Variants in SCN9A observed in about 807,000 individuals in gnomAD.
SCN9A encodes sodium voltage-gated channel alpha subunit 9, also known as sodium channel protein type 9 subunit alpha.
A neutral mutation model predicts 187.0 loss-of-function variants in SCN9A; 131 were observed. That is an observed-to-expected ratio of 0.70 (90% CI 0.61 to 0.81). The LOEUF is 0.81. Ranked by LOEUF, SCN9A falls within the 30% of genes least tolerant of loss-of-function variation. The pLI is 0.00. For missense variants in SCN9A, 2,252 were observed against 2,396.6 expected (o/e 0.94, Z 1.26); for synonymous variants, 809 against 808.6 (o/e 1.00, Z -0.01).
At chr2:166,366,176 TAATCCCTAGGCTAAGATA>T (rs1318905164) in intron 1 of SCN9A, among the ~76,000 whole-genome samples, 1 of 152,198 alleles carries the variant, frequency 6.6e-6, no homozygotes, top group African/African-American at 2.4e-5. Flanking sequence ...ATCTAATGAT[TAATCCCTAGGCTAAGATA>T]AATCAGTTGG....
chr2:166,222,692 G>C (rs1694641728), intron 24 of SCN9A, among the ~76,000 whole-genome samples: 1 of 144,372 alleles, frequency 6.9e-6, no homozygotes, highest in Admixed American at 6.7e-5. Context: ...CAGCACTTTG[G>C]GAGGCCGAGA....
At chr2:166,298,882 T>C (rs1481520742) in intron 7 of SCN9A, 12 of 152,228 alleles carry the variant, frequency 7.9e-5, no homozygotes, top group African/African-American at 2.9e-4. Context: ...CAAAATACAC[T>C]AAATTTCTCA....
Position 166,198,917 on chromosome 2 carries a change from T to G in SCN9A, c.5722A>C (p.Asn1908His). Residue 1908 changes from asparagine (N) to histidine (H), a missense_variant, in exon 27 of 27, where the codon AAT (asparagine) becomes CAT (histidine). Physicochemically the swap from Asn to His is moderately conservative, Grantham distance 68 (BLOSUM62 1). Around this residue, in one of 7 missense-constraint regions of SCN9A, gnomAD observed 345 missense variants for 344.6 expected, o/e 1.00. Transcript: ENST00000642356. The stretch of plus-strand genomic sequence containing the variant: ...TATATACTTGATATATTTTTGACAT[T>G]TTGCCTTAAGCGGTAACGTCTATAA... Reference protein sequence around the residue: ...RAYRRYRLRQNVKNISSIYIK... With the variant: ...RAYRRYRLRQHVKNISSIYIK... The G allele has an allele frequency of 6.2e-7, 1 of 1,613,942 alleles. No individual in the cohort carries two copies.
intron 14 of SCN9A, 23 bp downstream of exon 14, chr2:166,280,334 A>G: frequency 7.7e-7 from 1 of 1,298,206 alleles, no homozygotes; most frequent in South Asian, 1.3e-5. Context: ...CTATGAGTAC[A>G]TAACACACAA....
At chr2:166,367,554 C>T (rs536155895) in intron 1 of SCN9A, among the ~76,000 whole-genome samples, 61 of 152,152 alleles carry the variant, frequency 4.0e-4, no homozygotes, top group Non-Finnish European at 6.8e-4. Flanking sequence ...CGTAAGCCAC[C>T]GCGCCTGGCC....
intron 10 of SCN9A, among the ~76,000 whole-genome samples, chr2:166,287,627 G>T (rs1697829719): frequency 6.6e-6 from 1 of 152,086 alleles, no homozygotes; most frequent in Non-Finnish European, 1.5e-5. Context: ...TCAGACAAAT[G>T]TTAAGGCAAC....
At chr2:166,207,923 C>T (rs139314069) in intron 24 of SCN9A, among the ~76,000 whole-genome samples, 9 of 152,242 alleles carry the variant, frequency 5.9e-5, no homozygotes, top group African/African-American at 2.2e-4. Flanking sequence ...AAGAACTTGA[C>T]AGAAGAAGCT....
intron 24 of SCN9A, among the ~76,000 whole-genome samples, chr2:166,225,162 C>A (rs1694791758): frequency 6.6e-6 from 1 of 152,144 alleles, no homozygotes; most frequent in South Asian, 2.1e-4. Context: ...GAAAGCATTG[C>A]TATCCCCCCT....
rs144195837 is a variant in SCN9A at position 166,196,146 on chromosome 2, G to A, written c.*2526C>T. ...TATTGTTGGGTGTAATAAGTTCAGC[G>A]ATTATAAAATTTAAATATTAATATG... On this transcript the variant is annotated 3_prime_UTR_variant, in exon 27 of 27. Coordinates refer to ENST00000642356, the MANE Select transcript of SCN9A (RefSeq NM_001365536.1). 6.6e-5 allele frequency: 10 copies of A among 152,126 alleles called. No homozygotes were observed. The highest frequency in any genetic ancestry group is 1.9e-4 in the East Asian group (1 of 5,180). 9.4% of individuals were successfully genotyped at this position (152,126 alleles called of 1,614,324 possible). A position where few individuals can be genotyped will look rare whatever the true frequency, so the allele number is the denominator to read the frequency against.
chr2:166,301,058 C>T (rs1026370768), intron 7 of SCN9A: 1 of 149,448 alleles, frequency 6.7e-6, no homozygotes, highest in Admixed American at 6.6e-5. Context: ...GCGCCCACCA[C>T]CATGCCCGGC....
intron 24 of SCN9A, among the ~76,000 whole-genome samples, chr2:166,221,238 G>A (rs187966161): frequency 2.1e-3 from 326 of 152,180 alleles, no homozygotes; most frequent in Non-Finnish European, 3.7e-3. Context: ...ACTACCCTAA[G>A]TGATCTGTGA....
chr2:166,208,902 C>A (rs1488079228), intron 24 of SCN9A, among the ~76,000 whole-genome samples: 1 of 152,162 alleles, frequency 6.6e-6, no homozygotes, highest in Admixed American at 6.5e-5. Context: ...TTTCTAGGGG[C>A]TAATTTATTC....
chr2:166,357,697 A>C (rs1172680488), intron 1 of SCN9A, among the ~76,000 whole-genome samples: 1 of 152,164 alleles, frequency 6.6e-6, no homozygotes, highest in South Asian at 2.1e-4. Context: ...TTCATTAGAT[A>C]TACTTTCTAT....
Position 166,199,505 on chromosome 2 carries a change from G to A in SCN9A, c.5134C>T (p.Pro1712Ser). The change falls in exon 27 of 27, where the codon CCA becomes TCA. Residue 1712 changes from proline (P) to serine (S), a missense_variant. Around this residue, in one of 7 missense-constraint regions of SCN9A, gnomAD observed 345 missense variants for 344.6 expected, o/e 1.00. Transcript: ENST00000642356. ...ACTTTTTTTGGGTCACAGTCGGGTG[G>A]CTTACTGTTAAGAATAGGTGCTAGC... Reference protein sequence around the residue: ...GLLAPILNSKPPDCDPKKVHP... With the variant: ...GLLAPILNSKSPDCDPKKVHP... The A allele has an allele frequency of 6.2e-7, 1 of 1,614,158 alleles. No homozygotes were observed. The highest frequency in any genetic ancestry group is 8.5e-7 in the Non-Finnish European group (1 of 1,180,034).
At chr2:166,305,719 T>C (rs1698731821) in intron 5 of SCN9A, 73 bp downstream of exon 5, 32 of 1,589,296 alleles carry the variant, frequency 2.0e-5, no homozygotes, top group South Asian at 2.2e-5. Context: ...CCCCAGAGGT[T>C]TGCTGTTATT....
At chr2:166,291,003 C>T (rs1173603647) in intron 9 of SCN9A, among the ~76,000 whole-genome samples, 1 of 152,106 alleles carries the variant, frequency 6.6e-6, no homozygotes, top group Non-Finnish European at 1.5e-5. Flanking sequence ...TGGAAGCATT[C>T]CCTTTAAAAA....
At chr2:166,226,762 T>C in intron 23 of SCN9A, 58 bp from the exon 24 acceptor site, 1 of 1,360,302 alleles carries the variant, frequency 7.4e-7, no homozygotes, top group East Asian at 2.6e-5. Flanking sequence ...ATTTTCTTTT[T>C]CACATGGTTT....
At chr2:166,359,553 T>C (rs927744342) in intron 1 of SCN9A, among the ~76,000 whole-genome samples, 1 of 152,146 alleles carries the variant, frequency 6.6e-6, no homozygotes, top group African/African-American at 2.4e-5. Flanking sequence ...AGTAACATTA[T>C]GTTAATCATG....
intron 7 of SCN9A, among the ~76,000 whole-genome samples, chr2:166,295,689 G>A (rs1698268267): frequency 6.6e-6 from 1 of 152,226 alleles, no homozygotes; most frequent in South Asian, 2.1e-4. Context: ...CAGTAAGGCA[G>A]TAACATAAGT....
Sources: gnomAD v4.1 joint callset for allele counts (sites outside exome capture counted in the v4.1 genomes callset) on GRCh38, gnomAD v4.1.1 for gene constraint, gnomAD v4.1.1 regional missense constraint, MANE v1.5 for transcripts, NCBI Gene and HGNC (gene_info 2026-07-23, HGNC 2026-07-21) for gene names.